MARCHF1: variants seen among roughly 807,000 people sequenced by gnomAD.
MARCHF1 encodes the protein membrane associated ring-CH-type finger 1.
In MARCHF1, 40 loss-of-function variants were observed where a neutral mutation model predicts 54.2. The observed-to-expected ratio is 0.74, with a 90% CI of 0.57 to 0.96. The LOEUF (loss-of-function observed/expected upper bound fraction) is 0.96, where lower values mean the gene tolerates loss of function less well. Among genes scored for constraint, MARCHF1 ranks in the 40% least tolerant of loss-of-function variants. The pLI, the probability that MARCHF1 is intolerant of heterozygous loss-of-function variation, is 0.00. For synonymous variants in MARCHF1, 236 were observed against 236.3 expected, an observed-to-expected ratio of 1.00 and a Z score of 0.01; for missense variants, 586 against 656.5, an observed-to-expected ratio of 0.89 and a Z score of 1.17.
intron 4 of MARCHF1, among the ~76,000 whole-genome samples, chr4:163,787,891 A>G (rs1747666221): frequency 6.6e-6 from 1 of 151,950 alleles, no homozygotes; most frequent in Non-Finnish European, 1.5e-5. Context: ...ATATTATACA[A>G]CCTTAAGAAA....
chr4:163,982,052 A>G (rs1490843549), intron 3 of MARCHF1, among the ~76,000 whole-genome samples: 1 of 152,248 alleles, frequency 6.6e-6, no homozygotes, highest in Non-Finnish European at 1.5e-5. Flanking sequence ...GCAATTATCC[A>G]CAACATCTGT....
chr4:163,871,127 A>T (rs1303053704), intron 3 of MARCHF1, among the ~76,000 whole-genome samples: 2 of 152,170 alleles, frequency 1.3e-5, no homozygotes, highest in Non-Finnish European at 2.9e-5. Flanking sequence ...TGTGTCAAAT[A>T]AAAATATTAA....
chr4:163,897,367 T>C (rs1262981664), intron 3 of MARCHF1, among the ~76,000 whole-genome samples: 1 of 152,184 alleles, frequency 6.6e-6, no homozygotes, highest in East Asian at 1.9e-4. Context: ...CCCATTATTA[T>C]AATCACTTTC....
At chr4:163,571,351 C>T (rs1189162549) in intron 8 of MARCHF1, among the ~76,000 whole-genome samples, 1 of 152,140 alleles carries the variant, frequency 6.6e-6, no homozygotes, top group Non-Finnish European at 1.5e-5. Flanking sequence ...CTGGTCTTGT[C>T]CACTACTAAA....
At chr4:163,545,086 C>T (rs896177206) in intron 9 of MARCHF1, among the ~76,000 whole-genome samples, 2 of 152,230 alleles carry the variant, frequency 1.3e-5, no homozygotes, top group African/African-American at 4.8e-5. Context: ...TTGACACCAT[C>T]CTTCACAATC....
chr4:164,196,954 T>C (rs1027701043), intron 1 of MARCHF1: 3 of 1,597,890 alleles, frequency 1.9e-6, no homozygotes, highest in Non-Finnish European at 2.6e-6. Flanking sequence ...ATAGGAATTT[T>C]TCAAAATAGG....
At chr4:164,215,278 C>G (rs148188058) in intron 1 of MARCHF1, among the ~76,000 whole-genome samples, 2 of 152,254 alleles carry the variant, frequency 1.3e-5, no homozygotes, top group South Asian at 2.1e-4. Context: ...CTCCTTCCTT[C>G]GGTAGATAGC....
At chr4:163,575,479 A>G (rs892133121) in intron 8 of MARCHF1, among the ~76,000 whole-genome samples, 3 of 152,006 alleles carry the variant, frequency 2.0e-5, no homozygotes, top group Non-Finnish European at 2.9e-5. Context: ...GATTTTTTGC[A>G]TCTATGTTCA....
chr4:163,636,320 T>C (rs1181640579), intron 5 of MARCHF1, among the ~76,000 whole-genome samples: 83 of 147,128 alleles, frequency 5.6e-4, no homozygotes, highest in Non-Finnish European at 7.7e-4. Context: ...TGTTTGCAGA[T>C]GACATGATTG....
At chr4:164,212,740 A>G (rs1243090964) in intron 1 of MARCHF1, among the ~76,000 whole-genome samples, 1 of 152,102 alleles carries the variant, frequency 6.6e-6, no homozygotes, top group Non-Finnish European at 1.5e-5. Flanking sequence ...ATTTCCTCCA[A>G]GGTTGGTTGA....
intron 2 of MARCHF1, among the ~76,000 whole-genome samples, chr4:164,098,402 G>C (rs896567073): frequency 2.0e-5 from 3 of 152,206 alleles, no homozygotes; most frequent in African/African-American, 7.2e-5. Context: ...TCACCAGGAA[G>C]TGCTTGTTTG....
intron 2 of MARCHF1, among the ~76,000 whole-genome samples, chr4:163,994,257 AGTGTGT>A (rs769035806): frequency 0.17 from 23,550 of 137,000 alleles, 2,167 homozygotes; most frequent in South Asian, 0.23. Context: ...ATAGAGAAAA[AGTGTGT>A]GTGTGTGTGT....
At chr4:163,719,230 T>C (rs1321953365) in intron 4 of MARCHF1, among the ~76,000 whole-genome samples, 1 of 149,162 alleles carries the variant, frequency 6.7e-6, no homozygotes, top group Non-Finnish European at 1.5e-5. Flanking sequence ...CCTTCCTATG[T>C]CCAAGTGTTC....
intron 4 of MARCHF1, among the ~76,000 whole-genome samples, chr4:163,723,722 T>C (rs1231487840): frequency 6.6e-6 from 1 of 152,160 alleles, no homozygotes; most frequent in South Asian, 2.1e-4. Context: ...TTTGTTCATG[T>C]CTTTTTACTC....
chr4:163,620,104 C>G (rs895194374), intron 5 of MARCHF1, among the ~76,000 whole-genome samples: 1 of 151,968 alleles, frequency 6.6e-6, no homozygotes, highest in East Asian at 1.9e-4. Flanking sequence ...GAAAAATGAG[C>G]AAAACAGGTA....
At chr4:164,280,538 T>A (rs1242748229) in intron 1 of MARCHF1, among the ~76,000 whole-genome samples, 1 of 152,092 alleles carries the variant, frequency 6.6e-6, no homozygotes, top group Non-Finnish European at 1.5e-5. Context: ...ATTCCTACCT[T>A]GTGACATAAA....
chr4:163,626,215 G>C (rs9990679), intron 5 of MARCHF1, among the ~76,000 whole-genome samples: 17,637 of 152,138 alleles, frequency 0.12, 1,788 homozygotes, highest in African/African-American at 0.27. Flanking sequence ...TTCAAATTAG[G>C]TTTTCTGAAA....
chr4:163,774,579 C>T (rs1352548694), intron 4 of MARCHF1, among the ~76,000 whole-genome samples: 3 of 148,964 alleles, frequency 2.0e-5, no homozygotes, highest in Admixed American at 6.7e-5. Flanking sequence ...CTCACTGCAA[C>T]CTCCATCTTC....
rs1345352693 is a variant in MARCHF1, at chr4:164,340,408, TATATAGATA to T, written c.-323+43453_-323+43461del. Among the ~76,000 whole-genome samples, 35 of 121,930 alleles carry T rather than the reference TATATAGATA, an allele frequency of 2.9e-4. 2 individuals are homozygous for T. The highest frequency in any genetic ancestry group is 8.7e-4 in the East Asian group (3 of 3,440). The allele number at this position is 121,930 out of a possible 152,430, so 80.0% of individuals were successfully genotyped here. A position where few individuals can be genotyped will look rare whatever the true frequency, so the allele number is the denominator to read the frequency against. On this transcript the variant is annotated intron_variant, in intron 1 of 9. Transcript: ENST00000514618. ...GCACATGCCACCAGGCCTTGATTTA[TATATAGATA>T]TATATATATATATATATAGTTTGTT...
Sources: allele counts gnomAD v4.1 joint callset (sites outside exome capture counted in the v4.1 genomes callset), GRCh38; gene constraint gnomAD v4.1.1; transcripts MANE v1.5; gene names NCBI Gene and HGNC (gene_info 2026-07-23, HGNC 2026-07-21).